Variants in PLA2R1 observed in about 807,000 individuals in gnomAD.
PLA2R1 encodes secretory phospholipase A2 receptor.
A neutral mutation model predicts 195.9 loss-of-function variants in PLA2R1; 158 were observed. The ratio of observed to expected loss-of-function variants is 0.81; its 90% confidence interval spans 0.71 to 0.92. PLA2R1 has a LOEUF of 0.92. PLA2R1 is among the 40% of genes least tolerant of loss of function. The probability of loss-of-function intolerance (pLI) is 0.00; values close to 1 mark genes in which losing one functional copy is unlikely to be tolerated. For synonymous variants in PLA2R1, 586 were observed against 598.2 expected (o/e 0.98, Z 0.30); for missense variants, 1,626 against 1,764.6 (o/e 0.92, Z 1.41).
Position 159,956,574 on chromosome 2 carries a change from A to G in PLA2R1, c.2958T>C (p.His986=), listed in dbSNP as rs147007861. 7.2e-5 allele frequency: 117 copies of G among 1,613,818 alleles called. No homozygotes were observed. Among genetic ancestry groups the G allele is most frequent in the Non-Finnish European group, 9.4e-5 (111 of 1,179,834 alleles). Residue 986 remains histidine, a synonymous_variant, in exon 21 of 30, where the codon CAT becomes CAC. Coordinates refer to ENST00000283243, the MANE Select transcript of PLA2R1 (RefSeq NM_007366.5). ...KDPSSWKNWT[H]AQHFCAEEGG... ...CTTCTTCAGCACAGAAATGTTGAGC[A>G]TGCGTCCAGTTCTTCCAACTGCTTG...
At position 159,934,597 on chromosome 2, in the gene PLA2R1, T is replaced by C. The variant is rs1254769887; in HGVS notation, c.*7181A>G. 1 of 152,180 alleles carries C rather than the reference T, an allele frequency of 6.6e-6. No homozygotes were observed. The highest frequency in any genetic ancestry group is 1.5e-5 in the Non-Finnish European group (1 of 68,034). 9.4% of individuals were successfully genotyped at this position (152,180 alleles called of 1,614,324 possible). ...TATAATTAGGATGCAATTTTCAGAA[T>C]ATTATAAATAACAACATGTAAAAAT... On this transcript the variant is annotated 3_prime_UTR_variant, in exon 30 of 30. Coordinates refer to ENST00000283243, the MANE Select transcript of PLA2R1 (RefSeq NM_007366.5).
intron 7 of PLA2R1, among the ~76,000 whole-genome samples, chr2:160,021,780 G>A (rs916225307): frequency 1.3e-5 from 2 of 152,178 alleles, no homozygotes; most frequent in African/African-American, 4.8e-5. Context: ...ATTTTTTAAA[G>A]TATTTTTTTC....
intron 11 of PLA2R1, among the ~76,000 whole-genome samples, chr2:159,997,033 C>G (rs1305453254): frequency 6.6e-6 from 1 of 152,130 alleles, no homozygotes; most frequent in East Asian, 1.9e-4. Context: ...CTGACTGGCT[C>G]TGATGCTTGT....
intron 3 of PLA2R1, among the ~76,000 whole-genome samples, chr2:160,041,308 G>C (rs1443596250): frequency 2.0e-5 from 3 of 152,152 alleles, no homozygotes; most frequent in Admixed American, 6.5e-5. Flanking sequence ...ATTGAATATA[G>C]AAAGTAGGAG....
intron 10 of PLA2R1, among the ~76,000 whole-genome samples, chr2:160,009,353 C>T (rs577710929): frequency 6.9e-4 from 105 of 152,284 alleles, no homozygotes; most frequent in African/African-American, 2.5e-3. Flanking sequence ...TATATACATA[C>T]AATGGAATAT....
intron 19 of PLA2R1, among the ~76,000 whole-genome samples, chr2:159,968,816 A>C (rs1688952856): frequency 6.6e-6 from 1 of 152,260 alleles, no homozygotes; most frequent in African/African-American, 2.4e-5. Context: ...GTAGTAAAAG[A>C]AAAAAGAATA....
At chr2:159,931,054 C>G (rs905902848), downstream of PLA2R1, among the ~76,000 whole-genome samples, 2 of 152,190 alleles carry the variant, frequency 1.3e-5, no homozygotes, top group African/African-American at 2.4e-5. Context: ...CAAACACGAA[C>G]AGCTGAAGCC....
intron 17 of PLA2R1, among the ~76,000 whole-genome samples, chr2:159,975,515 A>G (rs543723392): frequency 1.7e-5 from 2 of 115,546 alleles, no homozygotes; most frequent in African/African-American, 5.0e-5. Context: ...GTCTTTACAA[A>G]CTTAAAAATA....
Position 159,936,442 on chromosome 2 carries a change from T to TA in PLA2R1, c.*5335dup, listed in dbSNP as rs1158517676. The stretch of plus-strand genomic sequence containing the variant: ...AATGGATCTGTTAATGAAATGGATA[T>TA]ATCATAGATAAAAATTAATTAGTAT... On this transcript the variant is annotated 3_prime_UTR_variant, in exon 30 of 30. Coordinates refer to ENST00000283243, the MANE Select transcript of PLA2R1 (RefSeq NM_007366.5). 1 of 152,240 alleles carries TA rather than the reference T, an allele frequency of 6.6e-6. No homozygotes were observed. The highest frequency in any genetic ancestry group is 1.9e-4 in the East Asian group (1 of 5,204). 9.4% of individuals were successfully genotyped at this position (152,240 alleles called of 1,614,324 possible). A position where few individuals can be genotyped will look rare whatever the true frequency, so the allele number is the denominator to read the frequency against.
chr2:160,018,456 AC>A (rs929575164), intron 8 of PLA2R1, among the ~76,000 whole-genome samples: 1 of 152,142 alleles, frequency 6.6e-6, no homozygotes, highest in African/African-American at 2.4e-5. Flanking sequence ...GCAACATGAA[AC>A]CCCATGTCTA....
At chr2:160,042,547 A>G (rs913240692) in intron 2 of PLA2R1, among the ~76,000 whole-genome samples, 5 of 152,212 alleles carry the variant, frequency 3.3e-5, no homozygotes, top group Admixed American at 2.0e-4. Flanking sequence ...ATCAGCCATT[A>G]GCATCTAAAG....
chr2:159,955,174 G>A (rs892049645), intron 23 of PLA2R1, 25 bp downstream of exon 23: 2 of 1,578,960 alleles, frequency 1.3e-6, no homozygotes, highest in African/African-American at 2.7e-5. Flanking sequence ...GAAATGAAAG[G>A]AATAAAAACC....
In PLA2R1 at chr2:159,987,324, C is replaced by G. The variant is rs543853236; in HGVS notation, c.1869G>C (p.Arg623Ser). The stretch of plus-strand genomic sequence containing the variant: ...TCACTTCCCAGCGACCAAGTGGATG[C>G]CTTCCTCGCATGGCAACACAGCCAC... ...YSGGCVAMRG[R>S]HPLGRWEVKH... Residue 623 changes from arginine to serine, a missense_variant, in exon 12 of 30, where the codon AGG (arginine) becomes AGC (serine). Physicochemically the swap from Arg to Ser is moderately radical, Grantham distance 110. Transcript: ENST00000283243. 1 of 1,611,880 alleles carries G rather than the reference C, an allele frequency of 6.2e-7. No individual in the cohort carries two copies. The highest frequency in any genetic ancestry group is 8.5e-7 in the Non-Finnish European group (1 of 1,179,804).
intron 1 of PLA2R1, 30 bp from the exon 2 acceptor site, chr2:160,045,187 A>C: frequency 6.5e-7 from 1 of 1,534,194 alleles, no homozygotes; most frequent in Non-Finnish European, 8.9e-7. Context: ...TGTGGCATGA[A>C]ATTTTCATAT....
chr2:159,948,037 T>C (rs1038211236), intron 25 of PLA2R1, among the ~76,000 whole-genome samples: 2 of 152,136 alleles, frequency 1.3e-5, no homozygotes, highest in Admixed American at 1.3e-4. Flanking sequence ...TATCATAACA[T>C]AGCATAACAT....
rs79550510 is a variant in PLA2R1, at chr2:159,982,002, T to C, written c.2183+1926A>G. Among the ~76,000 whole-genome samples, 18 of 152,274 alleles carry C rather than the reference T, an allele frequency of 1.2e-4. 1 individual carries two copies. In the East Asian group the frequency reaches 3.3e-3, roughly 28 times the overall value. ...GACTTTTGTGATCAGATATTGAAGA[T>C]CCATGATTTAGCTTGGGACTAAATT... On this transcript the variant is annotated intron_variant, in intron 13 of 29. Coordinates refer to ENST00000283243, the MANE Select transcript of PLA2R1 (RefSeq NM_007366.5).
chr2:159,927,497 A>T (rs1686520377), downstream of PLA2R1, among the ~76,000 whole-genome samples: 1 of 152,094 alleles, frequency 6.6e-6, no homozygotes, highest in South Asian at 2.1e-4. Context: ...CAAATGGGGA[A>T]CTTTGAATTT....
At chr2:160,048,128 T>C (rs1248684470) in intron 1 of PLA2R1, among the ~76,000 whole-genome samples, 1 of 152,174 alleles carries the variant, frequency 6.6e-6, no homozygotes, top group Admixed American at 6.5e-5. Flanking sequence ...CCACCATGCC[T>C]GGCCAATAAT....
chr2:160,008,711 A>T (rs1424320500), intron 10 of PLA2R1, among the ~76,000 whole-genome samples: 1 of 152,242 alleles, frequency 6.6e-6, no homozygotes, highest in East Asian at 1.9e-4. Flanking sequence ...ACTTTATAAA[A>T]ATTAAAAACT....
Sources: gnomAD v4.1 joint callset for allele counts (sites outside exome capture counted in the v4.1 genomes callset) on GRCh38, gnomAD v4.1.1 for gene constraint, MANE v1.5 for transcripts, NCBI Gene and HGNC (gene_info 2026-07-23, HGNC 2026-07-21) for gene names.